DENND1B: variants seen among roughly 807,000 people sequenced by gnomAD.
The protein encoded by DENND1B is DENN domain containing 1B, also known as DENN domain-containing protein 1B.
DENND1B carries 59 observed loss-of-function variants against 90.1 expected under a neutral mutation model. The ratio of observed to expected loss-of-function variants is 0.65; its 90% confidence interval spans 0.53 to 0.81. The LOEUF is 0.81. Among genes scored for constraint, DENND1B ranks in the 40% least tolerant of loss-of-function variants. The pLI, the probability that DENND1B is intolerant of heterozygous loss-of-function variation, is 0.00. For synonymous variants in DENND1B, 337 were observed against 324.6 expected (o/e 1.04, Z -0.41); for missense variants, 862 against 912.6 (o/e 0.94, Z 0.71).
chr1:197,547,880 C>T (rs1348317465), intron 16 of DENND1B, among the ~76,000 whole-genome samples: 1 of 152,128 alleles, frequency 6.6e-6, no homozygotes, highest in East Asian at 1.9e-4. Flanking sequence ...ATATATGTTT[C>T]TGTATTAAAA....
intron 15 of DENND1B, among the ~76,000 whole-genome samples, chr1:197,577,992 C>T (rs1673839493): frequency 6.6e-6 from 1 of 152,052 alleles, no homozygotes; most frequent in Non-Finnish European, 1.5e-5. Context: ...TGTTTTAACA[C>T]AATACTTTAA....
chr1:197,777,135 C>T (rs1657310143), upstream of DENND1B, among the ~76,000 whole-genome samples: 1 of 151,842 alleles, frequency 6.6e-6, no homozygotes, highest in South Asian at 2.1e-4. Flanking sequence ...CCACTTCTGC[C>T]CCAACTGTTA....
At chr1:197,598,363 C>A (rs1041382684) in intron 13 of DENND1B, among the ~76,000 whole-genome samples, 2 of 151,664 alleles carry the variant, frequency 1.3e-5, no homozygotes, top group African/African-American at 4.8e-5. Flanking sequence ...TTTTAAAAAT[C>A]AGTTTTAGAT....
chr1:197,720,847 G>C (rs1219165628), intron 2 of DENND1B, among the ~76,000 whole-genome samples: 1 of 152,082 alleles, frequency 6.6e-6, no homozygotes, highest in African/African-American at 2.4e-5. Flanking sequence ...TTCATTGCTG[G>C]AAAGTCTTAA....
At chr1:197,717,656 CA>C (rs1660770146) in intron 2 of DENND1B, among the ~76,000 whole-genome samples, 1 of 151,888 alleles carries the variant, frequency 6.6e-6, no homozygotes, top group African/African-American at 2.4e-5. Context: ...TGCACATCAT[CA>C]ACATAAGGAT....
intron 10 of DENND1B, among the ~76,000 whole-genome samples, chr1:197,636,846 G>A (rs1679839766): frequency 6.6e-6 from 1 of 152,100 alleles, no homozygotes; most frequent in South Asian, 2.1e-4. Context: ...TGTAGGTGGG[G>A]AAAACAGATG....
At chr1:197,758,852 T>C (rs1354899928) in intron 2 of DENND1B, among the ~76,000 whole-genome samples, 3 of 152,004 alleles carry the variant, frequency 2.0e-5, no homozygotes, top group Non-Finnish European at 4.4e-5. Context: ...CTACATCTTA[T>C]GAAATTCTCT....
Position 197,553,089 on chromosome 1 carries a change from T to C in DENND1B, c.1173A>G (p.Lys391=), listed in dbSNP as rs764533924. Residue 391 remains lysine (K), a synonymous_variant, in exon 16 of 23, where the codon AAA becomes AAG. Transcript: ENST00000620048. ...CAGAGAAACCCCTTCCTGCATTTAG[T>C]TTTGCCAGTCGACCATCGATAAACT... ...FKQFIDGRLA[K]LNAGRGFSDV... is the part of the protein sequence containing the mutation. The C allele has an allele frequency of 2.6e-6, 4 of 1,539,224 alleles. No homozygotes were observed. Among genetic ancestry groups the C allele is most frequent in the Non-Finnish European group, 3.5e-6 (4 of 1,150,312 alleles).
At chr1:197,745,619 TATATA>T (rs1558472081) in intron 2 of DENND1B, among the ~76,000 whole-genome samples, 29 of 105,912 alleles carry the variant, frequency 2.7e-4, no homozygotes, top group African/African-American at 8.4e-4. Flanking sequence ...ATATATATTA[TATATA>T]TATATATATA....
At chr1:197,745,032 T>C (rs533938566) in intron 2 of DENND1B, among the ~76,000 whole-genome samples, 2 of 152,334 alleles carry the variant, frequency 1.3e-5, no homozygotes, top group South Asian at 2.1e-4. Context: ...CTTCACAAAA[T>C]TGAAGAGAGT....
intron 3 of DENND1B, among the ~76,000 whole-genome samples, chr1:197,694,792 A>T (rs1039654186): frequency 6.6e-6 from 1 of 151,324 alleles, no homozygotes; most frequent in Non-Finnish European, 1.5e-5. Flanking sequence ...TTAGAATGTA[A>T]ATTTCACTGC....
chr1:197,678,942 C>T (rs1005861567), intron 3 of DENND1B, among the ~76,000 whole-genome samples: 9 of 152,048 alleles, frequency 5.9e-5, no homozygotes, highest in Non-Finnish European at 1.0e-4. Context: ...TTTACTTTTA[C>T]GTAGTGTTTT....
chr1:197,688,009 T>C (rs368423637), intron 3 of DENND1B, among the ~76,000 whole-genome samples: 1 of 152,074 alleles, frequency 6.6e-6, no homozygotes, highest in African/African-American at 2.4e-5. Context: ...ATCAGCTGTG[T>C]CTGTATACAG....
chr1:197,687,740 C>T (rs1256364847), intron 3 of DENND1B, among the ~76,000 whole-genome samples: 2 of 151,960 alleles, frequency 1.3e-5, no homozygotes, highest in Admixed American at 6.6e-5. Context: ...GAAGTCTTTC[C>T]TTAAGATCAG....
intron 15 of DENND1B, among the ~76,000 whole-genome samples, chr1:197,576,106 A>G (rs540704598): frequency 9.2e-5 from 14 of 152,260 alleles, no homozygotes; most frequent in African/African-American, 2.4e-4. Context: ...AAAAAGAAAA[A>G]GAAAAAAAAA....
intron 13 of DENND1B, chr1:197,606,800 G>A (rs867335653): frequency 1.1e-4 from 30 of 284,004 alleles, no homozygotes; most frequent in Middle Eastern, 1.0e-3. Context: ...ATGAGATGAA[G>A]AGACTTAGGT....
chr1:197,635,518 T>G (rs1242715002), intron 10 of DENND1B, among the ~76,000 whole-genome samples: 1 of 151,614 alleles, frequency 6.6e-6, no homozygotes, highest in African/African-American at 2.4e-5. Flanking sequence ...CTTAATTTTT[T>G]GTAGAGACAG....
intron 14 of DENND1B, among the ~76,000 whole-genome samples, chr1:197,585,707 A>C (rs991980588): frequency 1.3e-5 from 2 of 152,240 alleles, no homozygotes. Flanking sequence ...CAAAGCACTG[A>C]CACATCAGAA....
Position 197,583,213 on chromosome 1 carries a change from T to C in DENND1B, c.1088A>G (p.His363Arg). ...ITFCEESFVK[H>R]RSSVMKQFLE... ...GAACTGTTTCATCACGCTTGAGCGG[T>C]GCTTTACAAAACTCTCCTCACAGAA... The change falls in exon 15 of 23, where the codon CAC becomes CGC. Residue 363 changes from histidine (H) to arginine (R), a missense_variant. Transcript: ENST00000620048. 6.2e-7 allele frequency: 1 copy of C among 1,613,888 alleles called. No individual in the cohort carries two copies. The highest frequency in any genetic ancestry group is 1.3e-5 in the African/African-American group (1 of 75,038).
Sources: allele counts gnomAD v4.1 joint callset (sites outside exome capture counted in the v4.1 genomes callset), GRCh38; gene constraint gnomAD v4.1.1; transcripts MANE v1.5; gene names NCBI Gene and HGNC (gene_info 2026-07-23, HGNC 2026-07-21).